Variants in HIPK3 observed in about 807,000 individuals in gnomAD.
The protein encoded by HIPK3 is homeodomain-interacting protein kinase 3.
Under a neutral mutation model 124.2 loss-of-function variants are expected in HIPK3, and 47 were observed. That is an observed-to-expected ratio of 0.38 (90% CI 0.30 to 0.48). HIPK3 has a LOEUF of 0.48. Among genes scored for constraint, HIPK3 ranks in the 20% least tolerant of loss-of-function variants. HIPK3 has a pLI of 0.98. For synonymous variants in HIPK3, 482 were observed against 515.2 expected (o/e 0.94, Z 0.87); for missense variants, 1,286 against 1,454.3 (o/e 0.88, Z 1.88).
chr11:33,337,611 C>T (rs1015047996), intron 4 of HIPK3, among the ~76,000 whole-genome samples: 4 of 151,560 alleles, frequency 2.6e-5, no homozygotes, highest in Non-Finnish European at 5.9e-5. Context: ...CCACCTCCGC[C>T]TCCCAACGTG....
At chr11:33,343,520 T>C (rs1853405085) in intron 8 of HIPK3, among the ~76,000 whole-genome samples, 1 of 152,186 alleles carries the variant, frequency 6.6e-6, no homozygotes, top group African/African-American at 2.4e-5. Flanking sequence ...CCTCAAGTGA[T>C]CTGCCTGCCT....
At chr11:33,320,017 G>T (rs922972852) in intron 2 of HIPK3, among the ~76,000 whole-genome samples, 2 of 152,202 alleles carry the variant, frequency 1.3e-5, no homozygotes, top group African/African-American at 2.4e-5. Context: ...ATCAAGTCTT[G>T]TATTCTCTCT....
chr11:33,338,903 AG>A, intron 5 of HIPK3, 60 bp downstream of exon 5: 1 of 1,190,600 alleles, frequency 8.4e-7, no homozygotes, highest in Non-Finnish European at 1.2e-6. Flanking sequence ...TTGAATGCCA[AG>A]GGGCCCAAAA....
chr11:33,305,615 GC>G (rs1487381613), intron 2 of HIPK3, among the ~76,000 whole-genome samples: 1 of 152,182 alleles, frequency 6.6e-6, no homozygotes, highest in East Asian at 1.9e-4. Context: ...AAACTGCAGA[GC>G]TATGATTTGA....
In HIPK3 at chr11:33,348,835, G is replaced by A. The variant is rs757664630; in HGVS notation, c.2666+17G>A. 3.1e-6 allele frequency: 5 copies of A among 1,605,122 alleles called. No individual in the cohort carries two copies. The highest frequency in any genetic ancestry group is 4.3e-6 in the Non-Finnish European group (5 of 1,173,870). ...ACTCAGAGAGTAAGTGCCAAACGCT[G>A]CATCCTCAAAGGATATAGATGGCAT... On this transcript the variant is annotated intron_variant, in intron 13 of 16. Coordinates refer to ENST00000303296, the MANE Select transcript of HIPK3 (RefSeq NM_005734.5).
intron 8 of HIPK3, among the ~76,000 whole-genome samples, chr11:33,343,420 C>T (rs1026664594): frequency 1.3e-5 from 2 of 151,944 alleles, no homozygotes; most frequent in Non-Finnish European, 2.9e-5. Context: ...GCTGGGGTTA[C>T]AGGTATGCAC....
At chr11:33,336,826 C>T (rs1853163275) in intron 3 of HIPK3, among the ~76,000 whole-genome samples, 1 of 152,182 alleles carries the variant, frequency 6.6e-6, no homozygotes, top group Non-Finnish European at 1.5e-5. Flanking sequence ...ACTTGAGGAC[C>T]ACCTCTTCTA....
At chr11:33,315,633 G>A (rs1852479494) in intron 2 of HIPK3, among the ~76,000 whole-genome samples, 1 of 152,172 alleles carries the variant, frequency 6.6e-6, no homozygotes, top group South Asian at 2.1e-4. Flanking sequence ...AAAGTGATGG[G>A]ATTACAGATG....
chr11:33,306,568 G>A (rs1000181513), intron 2 of HIPK3, among the ~76,000 whole-genome samples: 13 of 151,994 alleles, frequency 8.6e-5, no homozygotes, highest in Admixed American at 6.6e-5. Flanking sequence ...TTTATTCACA[G>A]GCTTATAATT....
chr11:33,260,177 A>C (rs1270511583), intron 1 of HIPK3, among the ~76,000 whole-genome samples: 1 of 152,130 alleles, frequency 6.6e-6, no homozygotes, highest in Non-Finnish European at 1.5e-5. Context: ...CATACTCTTA[A>C]CTTTTTGGAT....
At chr11:33,276,261 T>C (rs1035876397) in intron 1 of HIPK3, among the ~76,000 whole-genome samples, 2 of 152,210 alleles carry the variant, frequency 1.3e-5, no homozygotes, top group African/African-American at 4.8e-5. Flanking sequence ...GACTGTTCAG[T>C]TGTTGTATCT....
chr11:33,308,707 T>C (rs750839544), intron 2 of HIPK3, among the ~76,000 whole-genome samples: 2 of 151,362 alleles, frequency 1.3e-5, no homozygotes, highest in South Asian at 4.2e-4. Context: ...TTTTGGAAAA[T>C]TCTCAGGCAG....
At chr11:33,267,623 G>A (rs1188677016) in intron 1 of HIPK3, among the ~76,000 whole-genome samples, 2 of 148,324 alleles carry the variant, frequency 1.3e-5, no homozygotes, top group African/African-American at 4.9e-5. Context: ...GGCCTCCTGA[G>A]TAGCTGGGAC....
At chr11:33,260,504 G>A (rs140153257) in intron 1 of HIPK3, among the ~76,000 whole-genome samples, 1 of 152,172 alleles carries the variant, frequency 6.6e-6, no homozygotes, top group African/African-American at 2.4e-5. Context: ...ATGCTAGTAC[G>A]ACTTATCCTG....
intron 2 of HIPK3, among the ~76,000 whole-genome samples, chr11:33,313,092 T>C (rs1852398272): frequency 6.6e-6 from 1 of 152,088 alleles, no homozygotes; most frequent in African/African-American, 2.4e-5. Context: ...TTTGAAAAAA[T>C]CAAGTGTAAG....
chr11:33,306,633 C>T (rs1852168357), intron 2 of HIPK3, among the ~76,000 whole-genome samples: 1 of 152,168 alleles, frequency 6.6e-6, no homozygotes, highest in Non-Finnish European at 1.5e-5. Context: ...CTTTCTTGGC[C>T]TCAGTTTAGT....
intron 1 of HIPK3, among the ~76,000 whole-genome samples, chr11:33,271,154 G>A (rs922989064): frequency 1.3e-5 from 2 of 152,146 alleles, no homozygotes; most frequent in Non-Finnish European, 1.5e-5. Context: ...TGAATAAATA[G>A]CATTCTAAGT....
rs1330984195 is a variant in HIPK3, at chr11:33,355,834, TATA to T, written c.*2267_*2269del. 6.6e-6 allele frequency: 1 copy of T among 151,538 alleles called. No homozygotes were observed. The highest frequency in any genetic ancestry group is 1.5e-5 in the Non-Finnish European group (1 of 67,750). The allele number at this position is 151,538 out of a possible 1,614,324, so 9.4% of individuals were successfully genotyped here. On this transcript the variant is annotated 3_prime_UTR_variant, in exon 17 of 17. Transcript: ENST00000303296. ...TCTATGCATTTTATACAAATAGAAA[TATA>T]TATATATAAAAAATTAAATGTTTAA...
chr11:33,339,567 T>A (rs956254148), intron 6 of HIPK3, 33 bp downstream of exon 6: 1 of 1,365,112 alleles, frequency 7.3e-7, no homozygotes, highest in Non-Finnish European at 1.0e-6. Context: ...AAAGTGGTTC[T>A]AAAAAAAAAT....
Sources: gnomAD v4.1 joint callset for allele counts (sites outside exome capture counted in the v4.1 genomes callset) on GRCh38, gnomAD v4.1.1 for gene constraint, MANE v1.5 for transcripts, NCBI Gene and HGNC (gene_info 2026-07-23, HGNC 2026-07-21) for gene names.